The following MARCHF10 variants were observed in gnomAD, a reference collection of about 807,000 sequenced individuals.
MARCHF10 encodes probable E3 ubiquitin-protein ligase MARCHF10.
MARCHF10 carries 64 observed loss-of-function variants against 76.2 expected under a neutral mutation model. That is an observed-to-expected ratio of 0.84 (90% CI 0.69 to 1.03). The LOEUF (loss-of-function observed/expected upper bound fraction) is 1.03, where lower values mean the gene tolerates loss of function less well. Ranked by LOEUF, MARCHF10 falls within the 50% of genes least tolerant of loss-of-function variation. The pLI is 0.00. For synonymous variants in MARCHF10, 340 were observed against 357.5 expected (o/e 0.95, Z 0.55); for missense variants, 875 against 958.0 (o/e 0.91, Z 1.14).
chr17:62,737,090 T>A lies in MARCHF10; in HGVS notation c.778A>T (p.Thr260Ser), dbSNP rs199905376. ...GATGCCTTTCTTGGCCCTCCTACAGTGGTGGGTGTGAGTGGTGGCCCCGAG... is the reference window on the plus strand; with the variant it reads ...GATGCCTTTCTTGGCCCTCCTACAGAGGTGGGTGTGAGTGGTGGCCCCGAG... ...EFSGPPLTPT[T>S]VGGPRKASFR... Residue 260 changes from threonine to serine, a missense_variant, in exon 6 of 11, where the codon ACT becomes TCT. Transcript: ENST00000311269. 2 of 1,613,770 alleles carry A rather than the reference T, an allele frequency of 1.2e-6. No homozygotes were observed. Among genetic ancestry groups the A allele is most frequent in the Non-Finnish European group, 1.7e-6 (2 of 1,179,990 alleles).
chr17:62,729,135 G>A (rs559017751), intron 6 of MARCHF10, among the ~76,000 whole-genome samples: 1 of 151,898 alleles, frequency 6.6e-6, no homozygotes, highest in Admixed American at 6.6e-5. Flanking sequence ...TAGAGACGGG[G>A]TTTTGCCATG....
At position 62,726,486 on chromosome 17, in the gene MARCHF10, C is replaced by T. The variant is rs1210793055; in HGVS notation, c.1938-1382G>A. Among the ~76,000 whole-genome samples the T allele has an allele frequency of 3.3e-5, 5 of 152,206 alleles. No individual in the cohort carries two copies. In the East Asian group the frequency reaches 9.6e-4, roughly 29 times the overall value. ...CATTTTCAACATTCAGACTTCAATA[C>T]ATTTCAACATAATTTCCATATTTTC... On this transcript the variant is annotated intron_variant, in intron 6 of 10. Coordinates refer to ENST00000311269, the MANE Select transcript of MARCHF10 (RefSeq NM_152598.4).
intron 3 of MARCHF10, among the ~76,000 whole-genome samples, chr17:62,780,746 G>T (rs145607589): frequency 6.6e-6 from 1 of 152,178 alleles, no homozygotes; most frequent in African/African-American, 2.4e-5. Flanking sequence ...AGTCCTTGAG[G>T]CTTGTGCATT....
intron 4 of MARCHF10, among the ~76,000 whole-genome samples, chr17:62,752,804 C>G (rs995404754): frequency 2.0e-5 from 3 of 152,022 alleles, no homozygotes; most frequent in African/African-American, 7.3e-5. Flanking sequence ...CCCGCTCAAG[C>G]CCTTCTCATT....
chr17:62,801,696 C>G lies in MARCHF10; in HGVS notation c.40G>C (p.Asp14His). The change falls in exon 2 of 11, where the codon GAT becomes CAT. Residue 14 changes from aspartate (D) to histidine (H), a missense_variant. Physicochemically the swap from Asp to His is moderately conservative, Grantham distance 81. Transcript: ENST00000311269. Reference protein sequence around the residue: ...DARDRQKFFSDVQYLRDMQHK... With the variant: ...DARDRQKFFSHVQYLRDMQHK... ...TGCATGTCCCGCAGATACTGAACAT[C>G]GCTGAAGAACTTCTGCCTGTCCCTT... 3 of 1,614,150 alleles carry G rather than the reference C, an allele frequency of 1.9e-6. No homozygotes were observed. Among genetic ancestry groups the G allele is most frequent in the Non-Finnish European group, 2.5e-6 (3 of 1,180,024 alleles).
chr17:62,750,741 T>C lies in MARCHF10; in HGVS notation c.383-6213A>G, dbSNP rs78683070. Among the ~76,000 whole-genome samples, 1,031 of 152,322 alleles carry C rather than the reference T, an allele frequency of 6.8e-3. 9 individuals carry two copies. The highest frequency in any genetic ancestry group is 0.023 in the African/African-American group (973 of 41,574). ...GGGAAGCGGCACCAGCATCACACCC[T>C]GTTCCAGCCAACAGTCTCCAGCGTC... is the stretch of plus-strand genomic sequence containing the variant. On this transcript the variant is annotated intron_variant, in intron 4 of 10. Transcript: ENST00000311269.
intron 10 of MARCHF10, among the ~76,000 whole-genome samples, chr17:62,704,416 C>T (rs2089449361): frequency 6.6e-6 from 1 of 152,212 alleles, no homozygotes; most frequent in African/African-American, 2.4e-5. Flanking sequence ...CTGGGGCTCC[C>T]GGGCTCCTTT....
In MARCHF10 at chr17:62,722,369, G is replaced by C. The variant is rs1599094889; in HGVS notation, c.2214+119C>G. The C allele has an allele frequency of 2.4e-5, 13 of 539,050 alleles. No individual in the cohort carries two copies. In the South Asian group the frequency reaches 2.5e-4, roughly 10 times the overall value. 33.4% of individuals were successfully genotyped at this position (539,050 alleles called of 1,614,324 possible). ...CAGAGAAGTAAGCTAAATGGATATT[G>C]TCAGACTCCTGCCAGCAGAGACCTT... On this transcript the variant is annotated intron_variant, in intron 8 of 10. Transcript: ENST00000311269.
Position 62,701,344 on chromosome 17 carries a change from T to A in MARCHF10, c.*359A>T. Reference sequence around the variant, plus strand: ...GAATAATGTCAGTTTACTGAATGAATACATGGCTCGAGTCCATTCAGGGTG... The same window carrying A: ...GAATAATGTCAGTTTACTGAATGAAAACATGGCTCGAGTCCATTCAGGGTG... On this transcript the variant is annotated 3_prime_UTR_variant, in exon 11 of 11. Transcript: ENST00000311269. 3.3e-6 allele frequency: 1 copy of A among 306,202 alleles called. No individual in the cohort carries two copies. The highest frequency in any genetic ancestry group is 5.0e-5 in the South Asian group (1 of 19,802). 19.0% of individuals were successfully genotyped at this position (306,202 alleles called of 1,614,324 possible).
At chr17:62,716,155 T>C (rs1241866088) in intron 8 of MARCHF10, among the ~76,000 whole-genome samples, 2 of 152,232 alleles carry the variant, frequency 1.3e-5, no homozygotes, top group African/African-American at 4.8e-5. Context: ...GCGGCCTGCA[T>C]GGTCCTTGTT....
chr17:62,759,304 G>A (rs770986980), intron 4 of MARCHF10, among the ~76,000 whole-genome samples: 3 of 152,204 alleles, frequency 2.0e-5, no homozygotes, highest in Non-Finnish European at 4.4e-5. Flanking sequence ...AAATGACTGG[G>A]CAGAAAATGC....
intron 4 of MARCHF10, among the ~76,000 whole-genome samples, chr17:62,745,593 G>A (rs540363736): frequency 9.2e-5 from 14 of 152,264 alleles, no homozygotes; most frequent in African/African-American, 3.4e-4. Context: ...AAACATGCCC[G>A]TACAGAAAGG....
At chr17:62,742,024 C>CTTT (rs35748252) in intron 5 of MARCHF10, among the ~76,000 whole-genome samples, 20 of 132,996 alleles carry the variant, frequency 1.5e-4, no homozygotes, top group Admixed American at 3.1e-4. Flanking sequence ...TTCTTTTTTT[C>CTTT]TTTTTTTTTT....
At chr17:62,766,267 G>A (rs937984728) in intron 3 of MARCHF10, among the ~76,000 whole-genome samples, 17 of 152,258 alleles carry the variant, frequency 1.1e-4, no homozygotes, top group African/African-American at 3.1e-4. Context: ...TTGGGAGGCC[G>A]AGGCAGGCAG....
chr17:62,743,029 G>A (rs1011308412), intron 5 of MARCHF10, among the ~76,000 whole-genome samples: 5 of 152,218 alleles, frequency 3.3e-5, no homozygotes, highest in Admixed American at 3.3e-4. Context: ...GACTTATTCT[G>A]TGCTGGGTGC....
chr17:62,711,855 G>GC lies in MARCHF10; in HGVS notation c.2215-512dup, dbSNP rs1298634983. Among the ~76,000 whole-genome samples, 2 of 152,184 alleles carry GC rather than the reference G, an allele frequency of 1.3e-5. No individual in the cohort carries two copies. The highest frequency in any genetic ancestry group is 4.8e-5 in the African/African-American group (2 of 41,446). On this transcript the variant is annotated intron_variant, in intron 8 of 10. Transcript: ENST00000311269. The surrounding 1 kb of genome is among the most constrained non-coding windows in gnomAD (Gnocchi z 4.4). ...AAAGGCTTCCTGAGGAGCCTCCTTT[G>GC]CCCCCATCATTCCTTTGCTTCCCAG... is the stretch of plus-strand genomic sequence containing the variant.
At chr17:62,769,037 T>C (rs73992058) in intron 3 of MARCHF10, among the ~76,000 whole-genome samples, 85 of 152,380 alleles carry the variant, frequency 5.6e-4, no homozygotes, top group African/African-American at 2.0e-3. Flanking sequence ...TCTCATAGAA[T>C]GTCTTACGCT....
At chr17:62,796,697 G>A (rs1466517495) in intron 2 of MARCHF10, among the ~76,000 whole-genome samples, 2 of 152,182 alleles carry the variant, frequency 1.3e-5, no homozygotes, top group African/African-American at 2.4e-5. Context: ...TCACACAAAA[G>A]ACAATGTGCA....
rs542372446 is a variant in MARCHF10, at chr17:62,761,688, C to T, written c.211-1682G>A. On this transcript the variant is annotated intron_variant, in intron 3 of 10. Transcript: ENST00000311269. The stretch of plus-strand genomic sequence containing the variant: ...CAACCCATCTCAGCCTCCCAAAGTT[C>T]TGGGATTATAGGCGTGAGCCACTGT... Among the ~76,000 whole-genome samples the T allele has an allele frequency of 1.1e-4, 16 of 152,258 alleles. No individual in the cohort carries two copies. In the South Asian group the frequency reaches 3.3e-3, roughly 32 times the overall value.
Sources: gnomAD v4.1 joint callset for allele counts (sites outside exome capture counted in the v4.1 genomes callset) on GRCh38, gnomAD v4.1.1 for gene constraint, Gnocchi (gnomAD v3.1) non-coding constraint, MANE v1.5 for transcripts, NCBI Gene and HGNC (gene_info 2026-07-23, HGNC 2026-07-21) for gene names.